CYP27A1: variants seen among roughly 807,000 people sequenced by gnomAD.
CYP27A1 encodes cytochrome P450 family 27 subfamily A member 1, also known as sterol 26-hydroxylase, mitochondrial.
In CYP27A1, 46 loss-of-function variants were observed where a neutral mutation model predicts 58.2. That is an observed-to-expected ratio of 0.79 (90% confidence interval 0.62 to 1.01). The LOEUF is 1.01. Among genes scored for constraint, CYP27A1 ranks in the 50% least tolerant of loss-of-function variants. The probability of loss-of-function intolerance (pLI) is 0.00; values close to 1 mark genes in which losing one functional copy is unlikely to be tolerated. For missense variants in CYP27A1, 704 were observed against 687.0 expected, an observed-to-expected ratio of 1.02 and a Z score of -0.28; for synonymous variants, 274 against 285.1, an observed-to-expected ratio of 0.96 and a Z score of 0.39.
At chr2:218,798,128 G>A (rs1000397704) in intron 1 of CYP27A1, among the ~76,000 whole-genome samples, 1 of 151,852 alleles carries the variant, frequency 6.6e-6, no homozygotes, top group Non-Finnish European at 1.5e-5. Context: ...TCAGCCTCCC[G>A]AGTAGCTGGG....
chr2:218,806,187 G>A (rs1943648916), intron 1 of CYP27A1, among the ~76,000 whole-genome samples: 1 of 152,174 alleles, frequency 6.6e-6, no homozygotes, highest in African/African-American at 2.4e-5. Context: ...TTATTAAAAT[G>A]TTATACATAA....
At position 218,809,816 on chromosome 2, in the gene CYP27A1, C is replaced by A. The variant is rs184087692; in HGVS notation, c.446+49C>A. On this transcript the variant is annotated intron_variant, in intron 2 of 8. Transcript: ENST00000258415. ...GGAACAGGGCCCCAGAGGGCCAGGG[C>A]GAAAGACAGTGGGCACAGGGCAGGC... The A allele has an allele frequency of 5.7e-6, 9 of 1,566,246 alleles. No homozygotes were observed. The South Asian group carries it at 8.0e-5, about 14-fold the overall frequency.
intron 1 of CYP27A1, among the ~76,000 whole-genome samples, chr2:218,796,968 G>A (rs955445240): frequency 3.9e-5 from 6 of 152,120 alleles, no homozygotes; most frequent in Non-Finnish European, 7.3e-5. Context: ...ACCGTCTTTC[G>A]AAAAGGAGTA....
At chr2:218,811,412 C>G (rs1467856674) in intron 2 of CYP27A1, among the ~76,000 whole-genome samples, 1 of 152,216 alleles carries the variant, frequency 6.6e-6, no homozygotes, top group Non-Finnish European at 1.5e-5. Flanking sequence ...AAAATGGACT[C>G]ATACCCAGCT....
chr2:218,789,566 G>A (rs1943471773), intron 1 of CYP27A1, among the ~76,000 whole-genome samples: 1 of 152,218 alleles, frequency 6.6e-6, no homozygotes, highest in Non-Finnish European at 1.5e-5. Flanking sequence ...CCTCTGATTG[G>A]CCAAAACTTG....
chr2:218,805,759 A>AATGCTGGGACTTTCCAACTGGCTCAGGTT (rs1943645230), intron 1 of CYP27A1, among the ~76,000 whole-genome samples: 1 of 152,162 alleles, frequency 6.6e-6, no homozygotes, highest in South Asian at 2.1e-4. Flanking sequence ...CCCATCCGAG[A>AATGCTGGGACTTTCCAACTGGCTCAGGTT]ATGCTGGGAC....
chr2:218,807,113 A>C (rs945114926), intron 1 of CYP27A1, among the ~76,000 whole-genome samples: 3 of 151,452 alleles, frequency 2.0e-5, no homozygotes, highest in African/African-American at 7.3e-5. Flanking sequence ...GCGCCCACCA[A>C]CATGCCCAGC....
rs1943755876 is a variant in CYP27A1, at chr2:218,814,119, G to A, written c.1116G>A (p.Gly372=). The A allele has an allele frequency of 6.2e-7, 1 of 1,614,258 alleles. No individual in the cohort carries two copies. Residue 372 remains glycine, a synonymous_variant, in exon 6 of 9, where the codon GGG becomes GGA. Transcript: ENST00000258415. ...HEEVVGVVPA[G]QVPQHKDFAH... is the part of the protein sequence containing the mutation. ...AAGTGGTGGGTGTGGTGCCAGCCGG[G>A]CAAGTGCCCCAGCACAAGGACTTTG...
chr2:218,790,239 A>G (rs114906740), intron 1 of CYP27A1, among the ~76,000 whole-genome samples: 399 of 152,322 alleles, frequency 2.6e-3, no homozygotes, highest in African/African-American at 9.2e-3. Flanking sequence ...GGTCACATAT[A>G]TCTTTTAGCT....
rs905020402 is a variant in CYP27A1, at chr2:218,814,101, G to A, written c.1098G>A (p.Val366=). ...EIQEALHEEV[V]GVVPAGQVPQ... ...AGGAGGCCTTGCACGAGGAAGTGGT[G>A]GGTGTGGTGCCAGCCGGGCAAGTGC... is the stretch of plus-strand genomic sequence containing the variant. Residue 366 remains valine, a synonymous_variant, in exon 6 of 9, where the codon GTG becomes GTA. Transcript: ENST00000258415. The A allele has an allele frequency of 1.9e-6, 3 of 1,614,142 alleles. No individual in the cohort carries two copies. The highest frequency in any genetic ancestry group is 2.2e-5 in the South Asian group (2 of 91,092).
chr2:218,812,542 C>A lies in CYP27A1; in HGVS notation c.647-10C>A. On this transcript the variant is annotated splice_polypyrimidine_tract_variant and intron_variant, in intron 3 of 8. Coordinates refer to ENST00000258415, the MANE Select transcript of CYP27A1 (RefSeq NM_000784.4). Reference sequence around the variant, plus strand: ...TCTGCCTCCTGTGATGGCCTCTGTGCACTACTCAGCTATTTGCTACATCCT... The same window carrying A: ...TCTGCCTCCTGTGATGGCCTCTGTGAACTACTCAGCTATTTGCTACATCCT... The A allele has an allele frequency of 6.2e-7, 1 of 1,614,132 alleles. No individual in the cohort carries two copies. Among genetic ancestry groups the A allele is most frequent in the Non-Finnish European group, 8.5e-7 (1 of 1,179,962 alleles).
chr2:218,787,239 C>T (rs1425764110), intron 1 of CYP27A1, among the ~76,000 whole-genome samples: 1 of 152,160 alleles, frequency 6.6e-6, no homozygotes, highest in Non-Finnish European at 1.5e-5. Context: ...ATGAGTGGTA[C>T]TGAGCAGTGG....
intron 1 of CYP27A1, among the ~76,000 whole-genome samples, chr2:218,787,087 G>A (rs1943447858): frequency 6.6e-6 from 1 of 152,168 alleles, no homozygotes; most frequent in African/African-American, 2.4e-5. Context: ...TACTGTACCT[G>A]GCCATCATGT....
chr2:218,814,949 G>A lies in CYP27A1; in HGVS notation c.1515G>A (p.Thr505=), dbSNP rs886656814. The A allele has an allele frequency of 1.5e-5, 25 of 1,614,086 alleles. No homozygotes were observed. The highest frequency in any genetic ancestry group is 1.6e-4 in the Middle Eastern group (1 of 6,084). ...QKYKVVLAPE[T]GELKSVARIV... is the part of the protein sequence containing the mutation. ...ACAAGGTGGTCCTGGCCCCGGAGAC[G>A]GGGGAGTTGAAGAGTGTGGCCCGCA... The change falls in exon 9 of 9, where the codon ACG becomes ACA. Residue 505 remains threonine, a synonymous_variant. Coordinates refer to ENST00000258415, the MANE Select transcript of CYP27A1 (RefSeq NM_000784.4).
intron 2 of CYP27A1, among the ~76,000 whole-genome samples, chr2:218,811,779 T>C (rs1559392155): frequency 2.0e-5 from 3 of 152,232 alleles, no homozygotes; most frequent in Admixed American, 6.5e-5. Context: ...CAGAGCTGTA[T>C]AATTCCAAGA....
intron 1 of CYP27A1, among the ~76,000 whole-genome samples, chr2:218,798,311 T>C (rs1201967315): frequency 6.6e-6 from 1 of 152,254 alleles, no homozygotes; most frequent in African/African-American, 2.4e-5. Context: ...AGCCTTCTTA[T>C]AATCTTTTAT....
chr2:218,808,209 C>A (rs1943670987), intron 1 of CYP27A1, among the ~76,000 whole-genome samples: 1 of 152,138 alleles, frequency 6.6e-6, no homozygotes, highest in Non-Finnish European at 1.5e-5. Flanking sequence ...GGAGTCCTAC[C>A]AGCAGTATAT....
Position 218,812,949 on chromosome 2 carries a change from C to G in CYP27A1, c.870C>G (p.Leu290=), listed in dbSNP as rs202136743. The part of the protein sequence containing the change: ...SFGKKLIDEK[L]EDMEAQLQAA... ...GGAAGAAGCTGATTGATGAGAAGCT[C>G]GAAGATATGGAGGCCCAACTGCAGG... Residue 290 remains leucine, a synonymous_variant, in exon 5 of 9, where the codon CTC becomes CTG. Transcript: ENST00000258415. 1 of 1,614,174 alleles carries G rather than the reference C, an allele frequency of 6.2e-7. No individual in the cohort carries two copies. Among genetic ancestry groups the G allele is most frequent in the Non-Finnish European group, 8.5e-7 (1 of 1,180,036 alleles).
Position 218,782,318 on chromosome 2 carries a change from G to T in CYP27A1, c.136G>T (p.Ala46Ser). ...GGACAAGGCCACCGGAGCTCCCGGA[G>T]CCGGGCCTGGTGTCCGGCGGCGGCA... is the stretch of plus-strand genomic sequence containing the variant. Reference protein sequence around the residue: ...PSDKATGAPGAGPGVRRRQRS... With the variant: ...PSDKATGAPGSGPGVRRRQRS... Residue 46 changes from alanine (A) to serine (S), a missense_variant, in exon 1 of 9, where the codon GCC (alanine) becomes TCC (serine). Coordinates refer to ENST00000258415, the MANE Select transcript of CYP27A1 (RefSeq NM_000784.4). This position sits in a 1 kb window ranked among gnomAD's most constrained non-coding sequence, Gnocchi z 4.1. The T allele has an allele frequency of 6.2e-7, 1 of 1,612,050 alleles. No individual in the cohort carries two copies. The highest frequency in any genetic ancestry group is 1.1e-5 in the South Asian group (1 of 90,806).
Sources: allele counts gnomAD v4.1 joint callset (sites outside exome capture counted in the v4.1 genomes callset), GRCh38; gene constraint gnomAD v4.1.1; non-coding constraint Gnocchi (gnomAD v3.1); transcripts MANE v1.5; gene names NCBI Gene and HGNC (gene_info 2026-07-23, HGNC 2026-07-21).